MYH16: variants seen among roughly 807,000 people sequenced by gnomAD.
MYH16 encodes the protein myosin heavy chain 16, also known as putative uncharacterized protein MYH16.
chr7:99,290,635 A>T (rs910302865), intron 30 of MYH16, among the ~76,000 whole-genome samples: 1 of 151,926 alleles, frequency 6.6e-6, no homozygotes, highest in African/African-American at 2.4e-5. Flanking sequence ...CCCGGTCTCT[A>T]CTAAAAATAC....
rs563358084 is a variant in MYH16, at chr7:99,286,977, T to G, written n.3460+453T>G. Among the ~76,000 whole-genome samples the G allele has an allele frequency of 2.6e-5, 4 of 152,198 alleles. No homozygotes were observed. The East Asian group carries it at 7.8e-4, about 30-fold the overall frequency. ...CTCTCAAAGACAAACAGAAAGAGTT[T>G]GCTACTCACAGTTCCCAAGAGGAAA... On this transcript the variant is annotated intron_variant and non_coding_transcript_variant, in intron 28 of 41. Transcript: ENST00000439784.
chr7:99,240,672 G>A (rs1171513105), intron 1 of MYH16, among the ~76,000 whole-genome samples: 2 of 151,924 alleles, frequency 1.3e-5, no homozygotes, highest in Non-Finnish European at 2.9e-5. Context: ...GCAACATAAC[G>A]AGGCCCCGTT....
intron 22 of MYH16, among the ~76,000 whole-genome samples, chr7:99,279,997 G>A (rs998675426): frequency 3.3e-5 from 5 of 152,006 alleles, no homozygotes; most frequent in African/African-American, 4.8e-5. Flanking sequence ...TCAGCCTCCC[G>A]GGTAGCTGGG....
chr7:99,275,204 C>T (rs189918509), intron 20 of MYH16, among the ~76,000 whole-genome samples: 1 of 151,402 alleles, frequency 6.6e-6, no homozygotes, highest in Non-Finnish European at 1.5e-5. Flanking sequence ...TGCTATGTTG[C>T]CCAGGCTGGT....
At chr7:99,247,389 G>A (rs1419525702) in intron 2 of MYH16, among the ~76,000 whole-genome samples, 2 of 152,304 alleles carry the variant, frequency 1.3e-5, no homozygotes, top group Admixed American at 6.5e-5. Flanking sequence ...TGGTCAGGCT[G>A]GTCTCCAACT....
intron 27 of MYH16, among the ~76,000 whole-genome samples, chr7:99,285,942 G>A (rs1344878636): frequency 1.3e-5 from 2 of 152,214 alleles, no homozygotes; most frequent in East Asian, 3.8e-4. Context: ...TGGACAGGTG[G>A]TAGGTAGGAT....
intron 2 of MYH16, among the ~76,000 whole-genome samples, chr7:99,243,663 C>T (rs1791693829): frequency 6.6e-6 from 1 of 152,144 alleles, no homozygotes. Flanking sequence ...ACCCGAAAAT[C>T]TTCCTCCTCA....
At chr7:99,288,023 G>A (rs969066154) in exon 29 of MYH16, 20 of 456,756 alleles carry the variant, frequency 4.4e-5, no homozygotes, top group East Asian at 4.2e-4. Flanking sequence ...CCGAGCTGAC[G>A]GAGCATGTGG....
exon 21 of MYH16, chr7:99,277,693 T>C (rs1033589597): frequency 1.8e-5 from 8 of 456,194 alleles, no homozygotes; most frequent in Non-Finnish European, 3.1e-5. Context: ...AAGAATGACC[T>C]CACCATCCAG....
At chr7:99,295,277 G>A (rs909480658) in intron 33 of MYH16, among the ~76,000 whole-genome samples, 3 of 151,770 alleles carry the variant, frequency 2.0e-5, no homozygotes, top group East Asian at 1.9e-4. Flanking sequence ...TACTCGGGAG[G>A]CTGAGGCAGG....
intron 20 of MYH16, among the ~76,000 whole-genome samples, chr7:99,275,608 T>G (rs1432954382): frequency 6.6e-6 from 1 of 152,238 alleles, no homozygotes; most frequent in African/African-American, 2.4e-5. Context: ...TGGTATACAA[T>G]TAGACTCTGG....
At chr7:99,241,659 G>T (rs1791668914) in intron 1 of MYH16, among the ~76,000 whole-genome samples, 2 of 152,176 alleles carry the variant, frequency 1.3e-5, no homozygotes, top group South Asian at 2.1e-4. Flanking sequence ...ATTACGGGGA[G>T]TGGGGGTGGA....
chr7:99,299,864 C>T (rs1164384250), intron 37 of MYH16, among the ~76,000 whole-genome samples: 1 of 151,974 alleles, frequency 6.6e-6, no homozygotes, highest in Non-Finnish European at 1.5e-5. Context: ...AGATTCTGGA[C>T]AATTGGAAAG....
chr7:99,295,006 T>C (rs1792460957), intron 33 of MYH16, among the ~76,000 whole-genome samples: 1 of 152,090 alleles, frequency 6.6e-6, no homozygotes, highest in Non-Finnish European at 1.5e-5. Context: ...ACCACTGCAC[T>C]CCAGCCTGGT....
intron 5 of MYH16, among the ~76,000 whole-genome samples, chr7:99,250,480 C>T (rs1252125131): frequency 6.6e-6 from 1 of 152,208 alleles, no homozygotes; most frequent in Admixed American, 6.5e-5. Flanking sequence ...GTGGCTCATG[C>T]CTATAATCCC....
chr7:99,288,688 A>AAAAAT (rs904149646), intron 29 of MYH16, among the ~76,000 whole-genome samples: 8 of 152,084 alleles, frequency 5.3e-5, no homozygotes, highest in African/African-American at 7.2e-5. Flanking sequence ...ACTCTGTCTC[A>AAAAAT]AAAATAAAAT....
intron 18 of MYH16, among the ~76,000 whole-genome samples, chr7:99,269,655 T>C (rs1458964765): frequency 1.3e-5 from 2 of 152,186 alleles, no homozygotes; most frequent in Non-Finnish European, 2.9e-5. Context: ...GGAAGTATCA[T>C]ACTTGACACA....
intron 23 of MYH16, among the ~76,000 whole-genome samples, chr7:99,281,309 C>T (rs927201120): frequency 1.3e-5 from 2 of 152,128 alleles, no homozygotes; most frequent in African/African-American, 4.8e-5. Flanking sequence ...TTAAACCCAG[C>T]ACTTTGGGAG....
intron 13 of MYH16, among the ~76,000 whole-genome samples, chr7:99,263,019 G>T (rs1030922937): frequency 1.3e-5 from 2 of 152,188 alleles, no homozygotes; most frequent in Non-Finnish European, 2.9e-5. Context: ...TGCAAGAGAA[G>T]GTCACACAGC....
Sources: gnomAD v4.1 joint callset for allele counts (sites outside exome capture counted in the v4.1 genomes callset) on GRCh38, gnomAD v4.1.1 for gene constraint, MANE v1.5 for transcripts, NCBI Gene and HGNC (gene_info 2026-07-23, HGNC 2026-07-21) for gene names.